Variants in ADGRG4 observed in about 807,000 individuals in gnomAD.
The protein encoded by ADGRG4 is adhesion G protein-coupled receptor G4.
In ADGRG4, 122 loss-of-function variants were observed where a neutral mutation model predicts 126.2. That is an observed-to-expected ratio of 0.97 (90% CI 0.83 to 1.12). The LOEUF is 1.12. Among genes scored for constraint, ADGRG4 ranks in the 50% most tolerant of loss-of-function variants. The probability of loss-of-function intolerance (pLI) is 0.00; values close to 1 mark genes in which losing one functional copy is unlikely to be tolerated. For missense variants in ADGRG4, 2,481 were observed against 2,251.8 expected, an observed-to-expected ratio of 1.10 and a Z score of -2.06; for synonymous variants, 943 against 838.7, an observed-to-expected ratio of 1.12 and a Z score of -2.15.
At position 136,416,697 on chromosome X, in the gene ADGRG4, A is replaced by T; in HGVS notation, c.*206A>T. ...AACAAAAATAAAAAGCAAAACAAAAATCCCAAAATGAATTCCATTCACAAA... is the reference window on the plus strand; with the variant it reads ...AACAAAAATAAAAAGCAAAACAAAATTCCCAAAATGAATTCCATTCACAAA... On this transcript the variant is annotated 3_prime_UTR_variant, in exon 26 of 26. Transcript: ENST00000394143. The T allele has an allele frequency of 6.7e-6, 2 of 299,913 alleles. No individual in the cohort carries two copies. Among genetic ancestry groups the T allele is most frequent in the Non-Finnish European group, 1.2e-5 (2 of 171,499 alleles). 24.7% of individuals were successfully genotyped at this position (299,913 alleles called of 1,213,427 possible).
intron 4 of ADGRG4, 95 bp from the exon 5 acceptor site, chrX:136,322,683 A>G: frequency 1.3e-6 from 1 of 767,462 alleles, no homozygotes; most frequent in Non-Finnish European, 1.9e-6. Flanking sequence ...ATTATATTGT[A>G]TAACCCAGAT....
chrX:136,322,630 T>C (rs953953296), intron 4 of ADGRG4, 148 bp from the exon 5 acceptor site: 2 of 445,228 alleles, frequency 4.5e-6, no homozygotes, highest in Non-Finnish European at 7.4e-6. Flanking sequence ...GATGATTTTT[T>C]ACATCTACTA....
intron 8 of ADGRG4, among the ~76,000 whole-genome samples, chrX:136,354,539 A>G (rs1422028622): frequency 9.0e-6 from 1 of 111,523 alleles, no homozygotes; most frequent in Non-Finnish European, 1.9e-5. Context: ...CCCCCAACAC[A>G]CCAAGCAGCT....
At chrX:136,352,169 T>C (rs979615162) in intron 7 of ADGRG4, among the ~76,000 whole-genome samples, 4 of 112,081 alleles carry the variant, frequency 3.6e-5, no homozygotes, top group Non-Finnish European at 1.9e-5. Flanking sequence ...TACAAAATAA[T>C]TGTAGTTGTA....
intron 5 of ADGRG4, among the ~76,000 whole-genome samples, chrX:136,325,811 A>G (rs2074868858): frequency 9.2e-6 from 1 of 108,530 alleles, no homozygotes; most frequent in Non-Finnish European, 1.9e-5. Context: ...CCCGGGTTCA[A>G]GCGATTCTCC....
Position 136,331,973 on chromosome X carries a change from C to T in ADGRG4, c.685+8581C>T, listed in dbSNP as rs192529095. On this transcript the variant is annotated intron_variant, in intron 5 of 25. Transcript: ENST00000394143. The stretch of plus-strand genomic sequence containing the variant: ...CTGGGACTACAGGCGCCCACCAACA[C>T]GCCCGACTAATTTTTTGTATTTTTT... 6.0e-3 allele frequency among the ~76,000 whole-genome samples: 648 copies of T among 108,419 alleles called. 5 individuals are homozygous for T. Among genetic ancestry groups the T allele is most frequent in the Non-Finnish European group, 6.3e-3 (329 of 52,138 alleles). 94.1% of individuals were successfully genotyped at this position (108,419 alleles called of 115,157 possible). A position where few individuals can be genotyped will look rare whatever the true frequency, so the allele number is the denominator to read the frequency against.
intron 7 of ADGRG4, among the ~76,000 whole-genome samples, chrX:136,352,718 C>A (rs768615813): frequency 5.4e-5 from 6 of 111,497 alleles, no homozygotes; most frequent in Non-Finnish European, 1.1e-4. Context: ...ATAATCATAT[C>A]TGTTTCCCTT....
chrX:136,347,098 C>T lies in ADGRG4; in HGVS notation c.3392C>T (p.Thr1131Ile). 1 of 1,208,695 alleles carries T rather than the reference C, an allele frequency of 8.3e-7. No homozygotes were observed. Among genetic ancestry groups the T allele is most frequent in the Non-Finnish European group, 1.1e-6 (1 of 893,657 alleles). The change falls in exon 6 of 26, where the codon ACC becomes ATC. Residue 1131 changes from threonine to isoleucine, a missense_variant. By Grantham distance (89) the Thr-to-Ile change is moderately conservative. Coordinates refer to ENST00000394143, the MANE Select transcript of ADGRG4 (RefSeq NM_153834.4). ...TAKAETTLFS[T>I]SVDTVTPSTH... is the part of the protein sequence containing the mutation. ...AAGGCTGAGACCACCCTTTTCTCTA[C>T]CTCAGTTGATACAGTAACCCCATCT...
intron 13 of ADGRG4, among the ~76,000 whole-genome samples, chrX:136,364,479 T>C (rs2075147031): frequency 1.8e-5 from 2 of 112,248 alleles, no homozygotes; most frequent in Non-Finnish European, 3.8e-5. Context: ...TTTTTCCCCT[T>C]CTGCATTGTA....
chrX:136,369,051 G>A (rs867127970), intron 13 of ADGRG4, among the ~76,000 whole-genome samples: 3 of 111,941 alleles, frequency 2.7e-5, no homozygotes, highest in African/African-American at 9.7e-5. Flanking sequence ...ATGTGAGTGA[G>A]CCCTCTTGGA....
chrX:136,359,216 A>C, intron 10 of ADGRG4, 76 bp from the exon 11 acceptor site: 1 of 844,058 alleles, frequency 1.2e-6, no homozygotes, highest in Non-Finnish European at 1.7e-6. Context: ...AGCTGTACAG[A>C]ATTTCTGCAT....
intron 4 of ADGRG4, among the ~76,000 whole-genome samples, chrX:136,314,124 C>T (rs990290216): frequency 2.7e-5 from 3 of 110,472 alleles, no homozygotes; most frequent in Non-Finnish European, 5.7e-5. Context: ...TAACTGCTTC[C>T]GCCATGGGCT....
chrX:136,349,188 G>A lies in ADGRG4; in HGVS notation c.5482G>A (p.Ala1828Thr), dbSNP rs775883482. The change falls in exon 6 of 26, where the codon GCA (alanine) becomes ACA (threonine). Residue 1828 changes from alanine to threonine, a missense_variant. Physicochemically the swap from Ala to Thr is moderately conservative, Grantham distance 58. Transcript: ENST00000394143. ...ATACCCTCCATGGACCCCATCCAGT[G>A]CAACTCTACCCTCTTTGACATCATT... ...VSYPPWTPSS[A>T]TLPSLTSFVY... 1 of 1,205,419 alleles carries A rather than the reference G, an allele frequency of 8.3e-7. No homozygotes were observed. The highest frequency in any genetic ancestry group is 1.8e-5 in the South Asian group (1 of 56,543).
In ADGRG4 at chrX:136,395,475, C is replaced by G. The variant is rs1473004445; in HGVS notation, c.8166C>G (p.Thr2722=). The part of the protein sequence containing the change: ...NYTICQCDHL[T]HFGVLMDLSR... ...CAATCTGTCAGTGTGACCACCTCAC[C>G]CATTTTGGAGTCTTAATGGTGAGTT... Residue 2722 remains threonine (T), a synonymous_variant, in exon 19 of 26, where the codon ACC becomes ACG. Transcript: ENST00000394143. The G allele has an allele frequency of 2.6e-6, 3 of 1,170,501 alleles. No homozygotes were observed. The East Asian group carries it at 9.0e-5, about 35-fold the overall frequency.
Position 136,412,302 on chromosome X carries a change from G to A in ADGRG4, c.8973G>A (p.Glu2991=). ...TTGTGTTTCACTGTGTGATGAAGGA[G>A]AGTGTGCGGGAGCAGTGGCAGATAC... The part of the protein sequence containing the change: ...FIFVFHCVMK[E]SVREQWQIHL... Residue 2991 remains glutamate, a synonymous_variant, in exon 24 of 26, where the codon GAG becomes GAA. Coordinates refer to ENST00000394143, the MANE Select transcript of ADGRG4 (RefSeq NM_153834.4). 1 of 1,203,281 alleles carries A rather than the reference G, an allele frequency of 8.3e-7. No individual in the cohort carries two copies. The highest frequency in any genetic ancestry group is 1.8e-5 in the South Asian group (1 of 56,716).
chrX:136,337,722 C>A (rs1019616277), intron 5 of ADGRG4, among the ~76,000 whole-genome samples: 2 of 112,130 alleles, frequency 1.8e-5, no homozygotes, highest in African/African-American at 3.2e-5. Flanking sequence ...TGTCTACTTT[C>A]AAAATTTTTT....
intron 15 of ADGRG4, among the ~76,000 whole-genome samples, chrX:136,377,995 C>A (rs2075238341): frequency 9.0e-6 from 1 of 111,123 alleles, no homozygotes; most frequent in African/African-American, 3.3e-5. Context: ...ATTTTCAAAT[C>A]TGCTGATCAA....
chrX:136,338,294 A>G (rs768319023), intron 5 of ADGRG4, among the ~76,000 whole-genome samples: 31 of 109,141 alleles, frequency 2.8e-4, no homozygotes, highest in African/African-American at 9.7e-4. Context: ...AGTATCTGGC[A>G]CTCAACACCA....
intron 19 of ADGRG4, among the ~76,000 whole-genome samples, chrX:136,397,491 CTTTTTT>C (rs1184936316): frequency 5.9e-5 from 3 of 50,568 alleles, no homozygotes; most frequent in African/African-American, 2.2e-4. Flanking sequence ...AGGAAAAGGA[CTTTTTT>C]TTTTTTTTTT....
Sources: allele counts gnomAD v4.1 joint callset (sites outside exome capture counted in the v4.1 genomes callset), GRCh38; gene constraint gnomAD v4.1.1; transcripts MANE v1.5; gene names NCBI Gene and HGNC (gene_info 2026-07-23, HGNC 2026-07-21).